Variants in PNLIPRP3 observed in about 807,000 individuals in gnomAD.
PNLIPRP3 encodes the protein pancreatic lipase related protein 3, also known as pancreatic lipase-related protein 3.
In PNLIPRP3, 58 loss-of-function variants were observed where a neutral mutation model predicts 52.8. That is an observed-to-expected ratio of 1.10 (90% CI 0.89 to 1.37). The LOEUF is 1.37. PNLIPRP3 is among the 40% of genes most tolerant of loss of function. PNLIPRP3 has a pLI of 0.00. For missense variants in PNLIPRP3, 593 were observed against 561.6 expected (o/e 1.06, Z -0.57); for synonymous variants, 192 against 185.0 (o/e 1.04, Z -0.31).
intron 4 of PNLIPRP3, among the ~76,000 whole-genome samples, chr10:116,452,287 A>G (rs996683134): frequency 6.6e-6 from 1 of 152,232 alleles, no homozygotes; most frequent in Admixed American, 6.5e-5. Flanking sequence ...GGAGCAAATA[A>G]ATGACTTAAA....
chr10:116,433,496 G>T (rs926587945), intron 1 of PNLIPRP3, among the ~76,000 whole-genome samples: 3 of 152,180 alleles, frequency 2.0e-5, no homozygotes, highest in Admixed American at 2.0e-4. Flanking sequence ...AATAACAACG[G>T]GTTTTCATTC....
In PNLIPRP3 at chr10:116,468,317, A is replaced by G. The variant is rs371742212; in HGVS notation, c.928-868A>G. 4.6e-5 allele frequency among the ~76,000 whole-genome samples: 7 copies of G among 152,224 alleles called. No homozygotes were observed. The East Asian group carries it at 9.7e-4, about 21-fold the overall frequency. ...AAAATGTCTATCGATTGCTAAAGAA[A>G]AATAAAAATGAAGGCCACAATTTAG... is the stretch of plus-strand genomic sequence containing the variant. On this transcript the variant is annotated intron_variant, in intron 8 of 11. Coordinates refer to ENST00000369230, the MANE Select transcript of PNLIPRP3 (RefSeq NM_001011709.3).
At chr10:116,460,746 C>T (rs1213978131) in intron 5 of PNLIPRP3, among the ~76,000 whole-genome samples, 3 of 151,956 alleles carry the variant, frequency 2.0e-5, no homozygotes, top group African/African-American at 7.3e-5. Context: ...AATTTGTTAG[C>T]TGTTTTGGCA....
Position 116,475,043 on chromosome 10 carries a change from T to C in PNLIPRP3, c.1173-1609T>C, listed in dbSNP as rs1846436456. The stretch of plus-strand genomic sequence containing the variant: ...GACATGGAATCAACCCATGTGCCCA[T>C]CAATGACAGACTGGATAAAGAAAAT... On this transcript the variant is annotated intron_variant, in intron 10 of 11. Transcript: ENST00000369230. 2.0e-5 allele frequency among the ~76,000 whole-genome samples: 3 copies of C among 152,128 alleles called. No homozygotes were observed. The South Asian group carries it at 6.2e-4, about 31-fold the overall frequency.
At chr10:116,437,388 C>T (rs1189784255) in intron 2 of PNLIPRP3, among the ~76,000 whole-genome samples, 1 of 152,026 alleles carries the variant, frequency 6.6e-6, no homozygotes, top group Non-Finnish European at 1.5e-5. Context: ...TGAGGTGTAT[C>T]CTGCAGGATG....
intron 1 of PNLIPRP3, among the ~76,000 whole-genome samples, chr10:116,433,145 A>AAAAAC (rs1364965512): frequency 6.7e-6 from 1 of 148,788 alleles, no homozygotes; most frequent in Non-Finnish European, 1.5e-5. Flanking sequence ...AAAAAAAAAA[A>AAAAAC]AGTCTTGGAG....
rs79330131 is a variant in PNLIPRP3 at position 116,440,668 on chromosome 10, G to A, written c.205-2387G>A. Among the ~76,000 whole-genome samples, 206 of 152,230 alleles carry A rather than the reference G, an allele frequency of 1.4e-3. 1 individual carries two copies. In the Middle Eastern group the frequency reaches 0.031, roughly 23 times the overall value. On this transcript the variant is annotated intron_variant, in intron 2 of 11. Coordinates refer to ENST00000369230, the MANE Select transcript of PNLIPRP3 (RefSeq NM_001011709.3). ...GTCAAAGGTAAATGTGGTGTGGTAC[G>A]ATAAACTTGGTCTTCTGGAGGTCAC... is the stretch of plus-strand genomic sequence containing the variant.
intron 3 of PNLIPRP3, among the ~76,000 whole-genome samples, chr10:116,443,805 A>ATG (rs1845900074): frequency 3.1e-4 from 1 of 3,212 alleles, no homozygotes; most frequent in African/African-American, 5.4e-4. Flanking sequence ...GTGTGTGCAT[A>ATG]TATATATATA....
chr10:116,446,992 T>C (rs1845962758), intron 4 of PNLIPRP3, among the ~76,000 whole-genome samples: 1 of 152,120 alleles, frequency 6.6e-6, no homozygotes, highest in Admixed American at 6.6e-5. Context: ...AATATTTTAG[T>C]ATCTAGGGGC....
intron 5 of PNLIPRP3, among the ~76,000 whole-genome samples, chr10:116,458,801 C>T (rs1846151742): frequency 6.6e-6 from 1 of 151,686 alleles, no homozygotes; most frequent in South Asian, 2.1e-4. Context: ...TGAAACGAAC[C>T]CCTTCCCTCC....
intron 10 of PNLIPRP3, among the ~76,000 whole-genome samples, chr10:116,475,726 C>G (rs893708055): frequency 2.0e-5 from 3 of 152,170 alleles, no homozygotes. Context: ...GTCCGTCTTT[C>G]ACAGAGCTTA....
intron 11 of PNLIPRP3, 103 bp from the exon 12 acceptor site, chr10:116,476,987 G>A: frequency 3.3e-6 from 4 of 1,204,304 alleles, no homozygotes; most frequent in East Asian, 4.8e-5. Context: ...GTGCAGAAGT[G>A]TTAGAAAATA....
intron 5 of PNLIPRP3, among the ~76,000 whole-genome samples, chr10:116,458,399 C>G (rs1231086619): frequency 6.6e-6 from 1 of 151,850 alleles, no homozygotes; most frequent in Non-Finnish European, 1.5e-5. Context: ...CTGAGATATC[C>G]TAGAACAACA....
intron 2 of PNLIPRP3, among the ~76,000 whole-genome samples, chr10:116,442,709 T>G (rs1195828482): frequency 2.0e-5 from 3 of 151,910 alleles, no homozygotes; most frequent in Non-Finnish European, 2.9e-5. Context: ...AAAAAAATTG[T>G]TTAAAATTAG....
intron 4 of PNLIPRP3, among the ~76,000 whole-genome samples, chr10:116,449,069 C>T (rs976468844): frequency 2.0e-5 from 3 of 151,524 alleles, no homozygotes; most frequent in African/African-American, 4.9e-5. Context: ...AACATGCACC[C>T]GTAGTCCTAG....
intron 4 of PNLIPRP3, among the ~76,000 whole-genome samples, chr10:116,448,029 A>G (rs9732392): frequency 0.065 from 362 of 5,610 alleles, 3 homozygotes; most frequent in African/African-American, 0.081. Context: ...AAGGAAGGAA[A>G]GAAAGAAAGA....
intron 3 of PNLIPRP3, 88 bp from the exon 4 acceptor site, chr10:116,444,294 T>C (rs1845909976): frequency 8.4e-7 from 1 of 1,183,548 alleles, no homozygotes; most frequent in Middle Eastern, 2.7e-4. Flanking sequence ...CCTACTAGTA[T>C]AATTTCTTAT....
rs1248645636 is a variant in PNLIPRP3, at chr10:116,436,785, T to A, written c.124T>A (p.Leu42Met). 3 of 1,613,814 alleles carry A rather than the reference T, an allele frequency of 1.9e-6. No homozygotes were observed. The South Asian group carries it at 3.3e-5, about 18-fold the overall frequency. Residue 42 changes from leucine to methionine, a missense_variant, in exon 2 of 12, where the codon TTG becomes ATG. Transcript: ENST00000369230. ...LPWTRTFSTE[L>M]VGLPWSPEKI... ...ATGGACCAGGACTTTCTCAACAGAGTTGGTAGGTTTACCCTGGTCTCCAGA... is the reference window on the plus strand; with the variant it reads ...ATGGACCAGGACTTTCTCAACAGAGATGGTAGGTTTACCCTGGTCTCCAGA...
At position 116,443,171 on chromosome 10, in the gene PNLIPRP3, C is replaced by T; in HGVS notation, c.321C>T (p.Cys107=). The T allele has an allele frequency of 6.2e-7, 1 of 1,607,386 alleles. No individual in the cohort carries two copies. The highest frequency in any genetic ancestry group is 1.1e-5 in the South Asian group (1 of 89,822). The part of the protein sequence containing the change: ...KTDGKWQRDM[C]NVLLQLEDIN... The stretch of plus-strand genomic sequence containing the variant: ...ATGGCAAATGGCAGAGAGACATGTG[C>T]AATGTATGACATGAATAAGCTCCTT... The change falls in exon 3 of 12, where the codon TGC becomes TGT. Residue 107 remains cysteine, a synonymous_variant. Coordinates refer to ENST00000369230, the MANE Select transcript of PNLIPRP3 (RefSeq NM_001011709.3).
Sources: allele counts gnomAD v4.1 joint callset (sites outside exome capture counted in the v4.1 genomes callset), GRCh38; gene constraint gnomAD v4.1.1; transcripts MANE v1.5; gene names NCBI Gene and HGNC (gene_info 2026-07-23, HGNC 2026-07-21).